The following PDZD8 variants were observed in gnomAD, a reference collection of about 807,000 sequenced individuals.
PDZD8 encodes PDZ domain-containing protein 8.
In PDZD8, 14 loss-of-function variants were observed where a neutral mutation model predicts 85.8. The observed-to-expected ratio is 0.16, with a 90% CI of 0.11 to 0.26. PDZD8 has a LOEUF of 0.26. Among genes scored for constraint, PDZD8 ranks in the 10% least tolerant of loss-of-function variants. The probability of loss-of-function intolerance (pLI) is 1.00; values close to 1 mark genes in which losing one functional copy is unlikely to be tolerated. For missense variants in PDZD8, 1,197 were observed against 1,424.3 expected, an observed-to-expected ratio of 0.84 and a Z score of 2.57; for synonymous variants, 592 against 568.6, an observed-to-expected ratio of 1.04 and a Z score of -0.59.
rs574484816 is a variant in PDZD8, at chr10:117,328,743, G to A, written c.996-9769C>T. Reference sequence around the variant, plus strand: ...ACTGTTTTGCCAATGCCCAGTGGGAGTTTTCATTCTATTTGCAGAACAGAA... The same window carrying A: ...ACTGTTTTGCCAATGCCCAGTGGGAATTTTCATTCTATTTGCAGAACAGAA... On this transcript the variant is annotated intron_variant, in intron 2 of 4. Transcript: ENST00000334464. Among the ~76,000 whole-genome samples, 306 of 152,220 alleles carry A rather than the reference G, an allele frequency of 2.0e-3. 3 individuals are homozygous for A. Among genetic ancestry groups the A allele is most frequent in the South Asian group, 1.4e-3 (7 of 4,830 alleles).
chr10:117,341,161 T>A, intron 1 of PDZD8, 59 bp from the exon 2 acceptor site: 1 of 1,554,816 alleles, frequency 6.4e-7, no homozygotes. Context: ...GTTTAAAGCA[T>A]AACAAAACTC....
intron 1 of PDZD8, among the ~76,000 whole-genome samples, chr10:117,363,160 G>A (rs957008592): frequency 6.6e-6 from 1 of 152,014 alleles, no homozygotes; most frequent in African/African-American, 2.4e-5. Context: ...AGGTTTCAGA[G>A]AACAAAAAGC....
chr10:117,323,097 T>C (rs2133816876), intron 2 of PDZD8, among the ~76,000 whole-genome samples: 1 of 152,250 alleles, frequency 6.6e-6, no homozygotes, highest in Middle Eastern at 3.4e-3. Flanking sequence ...TTATTAAAGA[T>C]AATTTAGAAT....
intron 2 of PDZD8, among the ~76,000 whole-genome samples, chr10:117,331,738 T>G (rs531925229): frequency 2.0e-4 from 30 of 152,320 alleles, no homozygotes; most frequent in Admixed American, 9.8e-4. Context: ...TCTTACATTC[T>G]CTTACAATTC....
rs548425254 is a variant in PDZD8 at position 117,373,149 on chromosome 10, A to T, written c.872+1207T>A. On this transcript the variant is annotated intron_variant, in intron 1 of 4. Transcript: ENST00000334464. ...CTTCCACTCCACCTCTAGCCCTAAAAAAGTCTTTCCCCTTCCACTCCTACA... is the reference window on the plus strand; with the variant it reads ...CTTCCACTCCACCTCTAGCCCTAAATAAGTCTTTCCCCTTCCACTCCTACA... 3.9e-5 allele frequency among the ~76,000 whole-genome samples: 6 copies of T among 152,300 alleles called. No homozygotes were observed. In the East Asian group the frequency reaches 1.2e-3, roughly 29 times the overall value.
chr10:117,311,282 T>C (rs536103697), intron 3 of PDZD8, among the ~76,000 whole-genome samples: 3 of 152,220 alleles, frequency 2.0e-5, no homozygotes, highest in Non-Finnish European at 2.9e-5. Flanking sequence ...TTTTGTGGAC[T>C]TCCTTACCCT....
At position 117,290,318 on chromosome 10, in the gene PDZD8, CA is replaced by C; in HGVS notation, c.1128del (p.Ser376ArgfsTer47). On this transcript the variant is annotated frameshift_variant, in exon 4 of 5. Coordinates refer to ENST00000334464, the MANE Select transcript of PDZD8 (RefSeq NM_173791.5). LOFTEE classifies it high-confidence loss of function. The stretch of plus-strand genomic sequence containing the variant: ...TGGACAAGACGAAGTGTAAGTCCAA[CA>C]CTTTGTAAATTTCCTTTTATTAATT... ...TVELIKGNLQ[S>X]VGLTLRLVQS... is the part of the protein sequence containing the mutation. 6.2e-7 allele frequency: 1 copy of C among 1,603,638 alleles called. No individual in the cohort carries two copies. Among genetic ancestry groups the C allele is most frequent in the Non-Finnish European group, 8.5e-7 (1 of 1,176,208 alleles).
intron 3 of PDZD8, among the ~76,000 whole-genome samples, chr10:117,293,131 T>C (rs1844798844): frequency 6.6e-6 from 1 of 152,024 alleles, no homozygotes; most frequent in South Asian, 2.1e-4. Flanking sequence ...TATTTTAATA[T>C]AAAATTTAAG....
At chr10:117,287,806 C>T (rs1200436591) in intron 4 of PDZD8, among the ~76,000 whole-genome samples, 1 of 152,212 alleles carries the variant, frequency 6.6e-6, no homozygotes, top group Non-Finnish European at 1.5e-5. Context: ...AGCCTACAAA[C>T]TTATCACATG....
At chr10:117,363,291 A>G (rs1361108561) in intron 1 of PDZD8, among the ~76,000 whole-genome samples, 1 of 152,134 alleles carries the variant, frequency 6.6e-6, no homozygotes, top group Non-Finnish European at 1.5e-5. Flanking sequence ...TTGTGTAAAA[A>G]GGACAAAAAA....
chr10:117,283,089 C>A lies in PDZD8; in HGVS notation c.*179G>T. On this transcript the variant is annotated 3_prime_UTR_variant, in exon 5 of 5. Transcript: ENST00000334464. ...AGCTATAAATGCAATCCAAAACAAC[C>A]AATTAGTAAGCTGGTCATGTTTTTA... The A allele has an allele frequency of 5.2e-6, 3 of 576,590 alleles. No homozygotes were observed. Among genetic ancestry groups the A allele is most frequent in the South Asian group, 3.1e-5 (1 of 32,218 alleles). 35.7% of individuals were successfully genotyped at this position (576,590 alleles called of 1,614,324 possible).
At chr10:117,309,160 A>G (rs1843992636) in intron 3 of PDZD8, among the ~76,000 whole-genome samples, 1 of 152,138 alleles carries the variant, frequency 6.6e-6, no homozygotes, top group Admixed American at 6.6e-5. Flanking sequence ...GTTGAATCTC[A>G]GTAAACTGCA....
chr10:117,360,612 G>A (rs1844980840), intron 1 of PDZD8, among the ~76,000 whole-genome samples: 1 of 151,996 alleles, frequency 6.6e-6, no homozygotes, highest in South Asian at 2.1e-4. Context: ...GAAAGCTAAA[G>A]CAGCTTGTCT....
Position 117,374,155 on chromosome 10 carries a change from G to T in PDZD8, c.872+201C>A, listed in dbSNP as rs1053863823. Among the ~76,000 whole-genome samples the T allele has an allele frequency of 6.6e-5, 10 of 152,198 alleles. No individual in the cohort carries two copies. The highest frequency in any genetic ancestry group is 4.4e-5 in the Non-Finnish European group (3 of 68,042). On this transcript the variant is annotated intron_variant, in intron 1 of 4. Coordinates refer to ENST00000334464, the MANE Select transcript of PDZD8 (RefSeq NM_173791.5). The surrounding 1 kb of genome is among the most constrained non-coding windows in gnomAD (Gnocchi z 7.8). ...CTGAGTCCCCATGAACACGCGAAAA[G>T]GTTTCTAGCTCCTATCAATGCCGTT...
At chr10:117,330,016 G>T (rs1303233032) in intron 2 of PDZD8, among the ~76,000 whole-genome samples, 18 of 72,102 alleles carry the variant, frequency 2.5e-4, no homozygotes, top group South Asian at 8.4e-4. Context: ...GAGGGAGGGA[G>T]GGAGGGAGGG....
intron 1 of PDZD8, among the ~76,000 whole-genome samples, chr10:117,342,569 C>T (rs1844634887): frequency 6.6e-6 from 1 of 152,200 alleles, no homozygotes; most frequent in South Asian, 2.1e-4. Flanking sequence ...CCTCTGCCTC[C>T]TTGATTCAAG....
intron 1 of PDZD8, among the ~76,000 whole-genome samples, chr10:117,367,795 ATTG>A (rs1302483202): frequency 6.6e-6 from 1 of 151,682 alleles, no homozygotes; most frequent in African/African-American, 2.4e-5. Context: ...TTAGCTGGGC[ATTG>A]TGGCACACGC....
At chr10:117,292,727 G>A (rs1844790874) in intron 3 of PDZD8, among the ~76,000 whole-genome samples, 1 of 149,448 alleles carries the variant, frequency 6.7e-6, no homozygotes, top group African/African-American at 2.5e-5. Flanking sequence ...CTTTCCCTTT[G>A]CTTTTCTTAA....
intron 1 of PDZD8, among the ~76,000 whole-genome samples, chr10:117,345,320 A>G (rs1844686071): frequency 6.6e-6 from 1 of 152,220 alleles, no homozygotes; most frequent in Non-Finnish European, 1.5e-5. Context: ...GTAGAGAAAC[A>G]GGAAATAAGA....
Sources: gnomAD v4.1 joint callset for allele counts (sites outside exome capture counted in the v4.1 genomes callset) on GRCh38, gnomAD v4.1.1 for gene constraint, Gnocchi (gnomAD v3.1) non-coding constraint, MANE v1.5 for transcripts, NCBI Gene and HGNC (gene_info 2026-07-23, HGNC 2026-07-21) for gene names.